The following MYLK4 variants were observed in gnomAD, a reference collection of about 807,000 sequenced individuals.
MYLK4 encodes the protein caMLCK like.
In MYLK4, 46 loss-of-function variants were observed where a neutral mutation model predicts 48.1. That is an observed-to-expected ratio of 0.96 (90% CI 0.75 to 1.22). MYLK4 has a LOEUF of 1.22. Among genes scored for constraint, MYLK4 ranks in the 50% most tolerant of loss-of-function variants. The pLI, the probability that MYLK4 is intolerant of heterozygous loss-of-function variation, is 0.00. For missense variants in MYLK4, 451 were observed against 486.1 expected, an observed-to-expected ratio of 0.93 and a Z score of 0.68; for synonymous variants, 170 against 180.8, an observed-to-expected ratio of 0.94 and a Z score of 0.48.
At chr6:2,692,661 T>C (rs1761852583) in intron 3 of MYLK4, 123 bp downstream of exon 3, 1 of 736,300 alleles carries the variant, frequency 1.4e-6, no homozygotes, top group South Asian at 2.5e-5. Context: ...GGGGCATTTT[T>C]TTATAAACAT....
chr6:2,668,957 A>G (rs1437894577), intron 12 of MYLK4, among the ~76,000 whole-genome samples: 1 of 151,886 alleles, frequency 6.6e-6, no homozygotes, highest in Non-Finnish European at 1.5e-5. Flanking sequence ...TCTCCCAGCT[A>G]CTCAGGAGGC....
chr6:2,762,679 C>G, the MYLK4 span, among the ~76,000 whole-genome samples: 1 of 152,242 alleles, frequency 6.6e-6, no homozygotes, highest in Non-Finnish European at 1.5e-5. Context: ...CTCTCATTAA[C>G]TTGATGAATA....
Position 2,749,275 on chromosome 6 carries a change from A to G in MYLK4, c.20T>C (p.Leu7Pro), listed in dbSNP as rs201558182. ...GTTATAACACGTGTTGAATTCTTCC[A>G]GCCTCTTCACTTTTAACATCTTAGT... The part of the protein sequence containing the change: MLKVKR[L>P]EEFNTCYNSN... The change falls in exon 2 of 13, where the codon CTG (leucine) becomes CCG (proline). Residue 7 changes from leucine (L) to proline (P), a missense_variant. By Grantham distance (98) the Leu-to-Pro change is moderately conservative (BLOSUM62 -3). Transcript: ENST00000274643. The G allele has an allele frequency of 8.7e-6, 14 of 1,613,860 alleles. No individual in the cohort carries two copies. The South Asian group carries it at 1.4e-4, about 16-fold the overall frequency.
At chr6:2,682,893 A>C in intron 7 of MYLK4, 128 bp downstream of exon 7, 1 of 1,003,692 alleles carries the variant, frequency 1.0e-6, no homozygotes, top group Non-Finnish European at 1.5e-6. Flanking sequence ...TGAGGGTAAC[A>C]ATTCAGATGT....
chr6:2,700,622 G>C (rs2113212141), intron 2 of MYLK4, among the ~76,000 whole-genome samples: 1 of 152,168 alleles, frequency 6.6e-6, no homozygotes, highest in East Asian at 1.9e-4. Flanking sequence ...TACGTGTGTG[G>C]AAATGAGGCC....
intron 2 of MYLK4, among the ~76,000 whole-genome samples, chr6:2,738,262 A>G (rs1339612195): frequency 6.6e-6 from 1 of 152,244 alleles, no homozygotes; most frequent in Non-Finnish European, 1.5e-5. Flanking sequence ...ATCTATCTTT[A>G]GTGAAATGTC....
chr6:2,727,908 C>T (rs1039995156), intron 2 of MYLK4, among the ~76,000 whole-genome samples: 4 of 146,362 alleles, frequency 2.7e-5, no homozygotes, highest in African/African-American at 1.0e-4. Context: ...GATCACGCCA[C>T]TGCGCTCCAG....
intron 7 of MYLK4, among the ~76,000 whole-genome samples, chr6:2,681,196 G>A (rs981514400): frequency 1.3e-5 from 2 of 152,144 alleles, no homozygotes; most frequent in Non-Finnish European, 2.9e-5. Flanking sequence ...CCAGGATCCC[G>A]TTCCTCAGCC....
the MYLK4 span, among the ~76,000 whole-genome samples, chr6:2,764,166 G>T: frequency 6.6e-6 from 1 of 152,190 alleles, no homozygotes; most frequent in Admixed American, 6.5e-5. Context: ...TCTTTTGGTA[G>T]TTTCACGTTA....
intron 2 of MYLK4, among the ~76,000 whole-genome samples, chr6:2,712,502 C>T (rs1428700657): frequency 1.3e-5 from 2 of 152,174 alleles, no homozygotes; most frequent in African/African-American, 2.4e-5. Context: ...ACAATGGTGA[C>T]AATGAAAACC....
At chr6:2,708,731 A>T (rs889194574) in intron 2 of MYLK4, among the ~76,000 whole-genome samples, 2 of 152,172 alleles carry the variant, frequency 1.3e-5, no homozygotes, top group Non-Finnish European at 2.9e-5. Flanking sequence ...CCCATGAAGA[A>T]ACATCGTTTC....
chr6:2,723,923 C>T (rs1056385690), intron 2 of MYLK4, among the ~76,000 whole-genome samples: 1 of 152,156 alleles, frequency 6.6e-6, no homozygotes, highest in African/African-American at 2.4e-5. Context: ...GTCACCCAGA[C>T]TGGAGGGCAG....
intron 4 of MYLK4, 133 bp downstream of exon 4, chr6:2,688,718 A>C: frequency 2.7e-6 from 2 of 731,254 alleles, no homozygotes; most frequent in Non-Finnish European, 4.6e-6. Flanking sequence ...CAATTTTCAG[A>C]AATGGTTACT....
At chr6:2,736,423 T>A (rs1444066500) in intron 2 of MYLK4, among the ~76,000 whole-genome samples, 1 of 152,214 alleles carries the variant, frequency 6.6e-6, no homozygotes, top group Non-Finnish European at 1.5e-5. Flanking sequence ...CCCAGCTAAT[T>A]TTTTAACAGA....
intron 4 of MYLK4, among the ~76,000 whole-genome samples, chr6:2,687,062 T>C (rs907180440): frequency 1.3e-5 from 2 of 152,136 alleles, no homozygotes; most frequent in East Asian, 3.9e-4. Flanking sequence ...CTTATGCTCA[T>C]TGAACATGGC....
In MYLK4 at chr6:2,692,805, T is replaced by C. The variant is rs1761860523; in HGVS notation, c.214A>G (p.Lys72Glu). The change falls in exon 3 of 13, where the codon AAA becomes GAA. Residue 72 changes from lysine (K) to glutamate (E), a missense_variant. Coordinates refer to ENST00000274643, the MANE Select transcript of MYLK4 (RefSeq NM_001012418.5). ...DLTERMPVKS[K>E]RTSALAVDIP... The stretch of plus-strand genomic sequence containing the variant: ...TTACCTGCGAGGGCTGATGTCCTTT[T>C]GCTTTTGACGGGCATCCTTTCCGTC... The C allele has an allele frequency of 6.2e-7, 1 of 1,613,968 alleles. No homozygotes were observed. The highest frequency in any genetic ancestry group is 2.2e-5 in the East Asian group (1 of 44,888).
At chr6:2,768,677 G>T in the MYLK4 span, 1 of 1,586,014 alleles carries the variant, frequency 6.3e-7, no homozygotes, top group South Asian at 1.1e-5. Flanking sequence ...CTCCATGTAT[G>T]TCATCTTTTC....
At chr6:2,722,087 A>G (rs1763088750) in intron 2 of MYLK4, among the ~76,000 whole-genome samples, 1 of 152,238 alleles carries the variant, frequency 6.6e-6, no homozygotes. Flanking sequence ...AGACTGTTGG[A>G]GAGTTGAAAT....
At chr6:2,766,508 G>C in the MYLK4 span, 1 of 1,439,584 alleles carries the variant, frequency 6.9e-7, no homozygotes, top group African/African-American at 1.4e-5. Flanking sequence ...GCTGATGGTC[G>C]GAGAGCCGGG....
Sources: gnomAD v4.1 joint callset for allele counts (sites outside exome capture counted in the v4.1 genomes callset) on GRCh38, gnomAD v4.1.1 for gene constraint, MANE v1.5 for transcripts, NCBI Gene and HGNC (gene_info 2026-07-23, HGNC 2026-07-21) for gene names.